Variants in BICC1 observed in about 807,000 individuals in gnomAD.
BICC1 encodes BicC family RNA binding protein 1.
Under a neutral mutation model 111.0 loss-of-function variants are expected in BICC1, and 43 were observed. That is an observed-to-expected ratio of 0.39 (90% CI 0.30 to 0.50). The LOEUF (loss-of-function observed/expected upper bound fraction) is 0.50, where lower values mean the gene tolerates loss of function less well. Among genes scored for constraint, BICC1 ranks in the 20% least tolerant of loss-of-function variants. BICC1 has a pLI of 0.88. For missense variants in BICC1, 1,091 were observed against 1,203.2 expected (o/e 0.91, Z 1.38); for synonymous variants, 467 against 434.4 (o/e 1.07, Z -0.93).
At chr10:58,606,453 C>A (rs1397068042) in intron 1 of BICC1, among the ~76,000 whole-genome samples, 1 of 151,476 alleles carries the variant, frequency 6.6e-6, no homozygotes, top group African/African-American at 2.4e-5. Flanking sequence ...GGGAGATATA[C>A]CTAGGGCTAG....
chr10:58,544,701 T>A (rs1416631283), intron 1 of BICC1, among the ~76,000 whole-genome samples: 2 of 152,154 alleles, frequency 1.3e-5, no homozygotes, highest in Admixed American at 1.3e-4. Flanking sequence ...ATAACTATAC[T>A]GAATTAATAG....
At chr10:58,737,412 T>C (rs1473688550) in intron 3 of BICC1, among the ~76,000 whole-genome samples, 1 of 152,226 alleles carries the variant, frequency 6.6e-6, no homozygotes, top group East Asian at 1.9e-4. Flanking sequence ...TCCATGTCCC[T>C]GCAAAGCACA....
intron 2 of BICC1, among the ~76,000 whole-genome samples, chr10:58,686,838 T>C (rs1839745717): frequency 6.6e-6 from 1 of 152,246 alleles, no homozygotes; most frequent in African/African-American, 2.4e-5. Flanking sequence ...CAGAGAAGTT[T>C]GTTATTACCA....
intron 2 of BICC1, among the ~76,000 whole-genome samples, chr10:58,641,470 C>CTT (rs879548475): frequency 2.1e-5 from 3 of 144,430 alleles, no homozygotes; most frequent in East Asian, 2.0e-4. Context: ...TTTTTCTTTC[C>CTT]TTTTTTTTTT....
intron 1 of BICC1, among the ~76,000 whole-genome samples, chr10:58,595,857 T>C (rs1844795616): frequency 6.6e-6 from 1 of 152,010 alleles, no homozygotes; most frequent in South Asian, 2.1e-4. Context: ...AAGAAATAAC[T>C]AAGATCAGAG....
rs1843716176 is a variant in BICC1 at position 58,806,599 on chromosome 10, C to G, written c.2197C>G (p.Gln733Glu). Reference sequence around the variant, plus strand: ...TCATTTTCAGGCATTTGACTATGAACAGAAGAAGCTATTAGCCACCAAAGG... The same window carrying G: ...TCATTTTCAGGCATTTGACTATGAAGAGAAGAAGCTATTAGCCACCAAAGG... The part of the protein sequence containing the change: ...YVNMQAFDYE[Q>E]KKLLATKAML... Residue 733 changes from glutamine to glutamate, a missense_variant, in exon 16 of 21, where the codon CAG becomes GAG. Coordinates refer to ENST00000373886, the MANE Select transcript of BICC1 (RefSeq NM_001080512.3). 1.2e-6 allele frequency: 2 copies of G among 1,612,508 alleles called. No homozygotes were observed. Among genetic ancestry groups the G allele is most frequent in the Non-Finnish European group, 1.7e-6 (2 of 1,178,826 alleles).
At chr10:58,814,106 C>T in intron 18 of BICC1, 120 bp downstream of exon 18, 1 of 1,144,302 alleles carries the variant, frequency 8.7e-7, no homozygotes, top group Non-Finnish European at 1.3e-6. Context: ...ATTCACATGC[C>T]ATCTCCTCTG....
intron 1 of BICC1, among the ~76,000 whole-genome samples, chr10:58,529,995 GAGGC>G (rs1842639013): frequency 6.6e-6 from 1 of 151,558 alleles, no homozygotes; most frequent in Non-Finnish European, 1.5e-5. Context: ...TGGGACTAGT[GAGGC>G]CATCTACAAT....
rs1305707822 is a variant in BICC1 at position 58,820,387 on chromosome 10, C to G, written c.2713C>G (p.Leu905Val). The change falls in exon 20 of 21, where the codon CTC (leucine) becomes GTC (valine). Residue 905 changes from leucine to valine, a missense_variant. Coordinates refer to ENST00000373886, the MANE Select transcript of BICC1 (RefSeq NM_001080512.3). ...QQQEIDLQTFLTLTDQDLKEL... is the reference protein window; with the variant it reads ...QQQEIDLQTFVTLTDQDLKEL... ...CCCACAGATCGATCTTCAGACATTC[C>G]TCACTCTCACAGATCAGGATCTGAA... is the stretch of plus-strand genomic sequence containing the variant. 1 of 1,611,324 alleles carries G rather than the reference C, an allele frequency of 6.2e-7. No individual in the cohort carries two copies. The highest frequency in any genetic ancestry group is 1.3e-5 in the African/African-American group (1 of 74,784).
chr10:58,820,582 T>A, intron 20 of BICC1, 114 bp downstream of exon 20: 1 of 709,572 alleles, frequency 1.4e-6, no homozygotes, highest in Non-Finnish European at 2.4e-6. Flanking sequence ...AACACCTTGG[T>A]TGTGGTTTCA....
chr10:58,591,229 C>T (rs1844606998), intron 1 of BICC1, among the ~76,000 whole-genome samples: 1 of 152,046 alleles, frequency 6.6e-6, no homozygotes, highest in Non-Finnish European at 1.5e-5. Flanking sequence ...TTCTTCTCCA[C>T]AAGTGTGACT....
intron 3 of BICC1, among the ~76,000 whole-genome samples, chr10:58,768,780 C>T (rs939179615): frequency 6.6e-6 from 1 of 151,680 alleles, no homozygotes; most frequent in Non-Finnish European, 1.5e-5. Flanking sequence ...ATTGTAACAT[C>T]AAAACAGAAA....
chr10:58,603,968 G>A (rs151302229), intron 1 of BICC1, among the ~76,000 whole-genome samples: 4 of 152,052 alleles, frequency 2.6e-5, no homozygotes, highest in Non-Finnish European at 4.4e-5. Context: ...TTTTCATAAC[G>A]GTCTTCAAAT....
Position 58,775,383 on chromosome 10 carries a change from CAAAA to C in BICC1, c.308-9615_308-9612del, listed in dbSNP as rs1280961940. Among the ~76,000 whole-genome samples the C allele has an allele frequency of 4.9e-3, 732 of 148,764 alleles. 13 individuals carry two copies. Among genetic ancestry groups the C allele is most frequent in the African/African-American group, 0.017 (689 of 39,996 alleles). ...AGCGAGACTCTGTCTCAAAAAAAAA[CAAAA>C]AACAAAAAACAAAAAAAAACAAACA... On this transcript the variant is annotated intron_variant, in intron 3 of 20. Transcript: ENST00000373886.
At chr10:58,635,380 G>T (rs1005038078) in intron 2 of BICC1, among the ~76,000 whole-genome samples, 3 of 152,104 alleles carry the variant, frequency 2.0e-5, no homozygotes, top group Non-Finnish European at 2.9e-5. Context: ...TCTTTTTCTT[G>T]CTAGAAACTC....
chr10:58,775,404 A>C (rs1445687388), intron 3 of BICC1, among the ~76,000 whole-genome samples: 1 of 151,958 alleles, frequency 6.6e-6, no homozygotes, highest in Admixed American at 6.6e-5. Flanking sequence ...AAACAAAAAA[A>C]AACAAACAAA....
At chr10:58,527,737 A>G (rs1287937227) in intron 1 of BICC1, among the ~76,000 whole-genome samples, 1 of 151,994 alleles carries the variant, frequency 6.6e-6, no homozygotes, top group African/African-American at 2.4e-5. Context: ...GGTTGTAGAT[A>G]TAGACCAATG....
intron 3 of BICC1, among the ~76,000 whole-genome samples, chr10:58,735,119 C>T (rs371430451): frequency 1.1e-4 from 17 of 152,296 alleles, no homozygotes; most frequent in Non-Finnish European, 2.1e-4. Flanking sequence ...TTTTATACTA[C>T]AAAAAGAGAA....
intron 2 of BICC1, among the ~76,000 whole-genome samples, chr10:58,675,875 C>T (rs1410159746): frequency 6.6e-6 from 1 of 152,238 alleles, no homozygotes; most frequent in Non-Finnish European, 1.5e-5. Context: ...TTCTGGTCTG[C>T]AGCTCCCAGA....
Sources: gnomAD v4.1 joint callset for allele counts (sites outside exome capture counted in the v4.1 genomes callset) on GRCh38, gnomAD v4.1.1 for gene constraint, MANE v1.5 for transcripts, NCBI Gene and HGNC (gene_info 2026-07-23, HGNC 2026-07-21) for gene names.